The following CORIN variants were observed in gnomAD, a reference collection of about 807,000 sequenced individuals.
The protein encoded by CORIN is corin, serine peptidase.
CORIN carries 117 observed loss-of-function variants against 125.3 expected under a neutral mutation model. That is an observed-to-expected ratio of 0.93 (90% CI 0.80 to 1.09). CORIN has a LOEUF of 1.09. Ranked by LOEUF, CORIN falls within the 50% of genes least tolerant of loss-of-function variation. The pLI, the probability that CORIN is intolerant of heterozygous loss-of-function variation, is 0.00. For missense variants in CORIN, 1,253 were observed against 1,306.7 expected (o/e 0.96, Z 0.63); for synonymous variants, 450 against 466.4 (o/e 0.96, Z 0.45).
At chr4:47,824,486 C>T (rs950936296) in intron 1 of CORIN, among the ~76,000 whole-genome samples, 1 of 151,962 alleles carries the variant, frequency 6.6e-6, no homozygotes. Flanking sequence ...GCTTTTCTTT[C>T]TTTCTTTTTT....
intron 13 of CORIN, among the ~76,000 whole-genome samples, chr4:47,645,496 A>T (rs1723428083): frequency 6.6e-6 from 1 of 151,858 alleles, no homozygotes; most frequent in South Asian, 2.1e-4. Context: ...AAAAGTTTTG[A>T]CCTCTGCATA....
intron 3 of CORIN, among the ~76,000 whole-genome samples, chr4:47,777,481 A>G (rs1336389918): frequency 2.0e-5 from 3 of 152,132 alleles, no homozygotes; most frequent in Non-Finnish European, 4.4e-5. Context: ...AAATACAAAA[A>G]TTAGCTAAGC....
chr4:47,758,011 T>C (rs1029685364), intron 4 of CORIN, among the ~76,000 whole-genome samples: 3 of 151,486 alleles, frequency 2.0e-5, no homozygotes, highest in Non-Finnish European at 4.4e-5. Context: ...CCTCCCGGAT[T>C]CATGCCATCC....
chr4:47,784,686 G>T (rs1246790914), intron 3 of CORIN, among the ~76,000 whole-genome samples: 1 of 152,168 alleles, frequency 6.6e-6, no homozygotes, highest in African/African-American at 2.4e-5. Context: ...AATTACTTCT[G>T]TACTTCTATG....
At chr4:47,643,016 GC>G (rs1159530717) in intron 15 of CORIN, 129 bp downstream of exon 15, 1 of 1,544,660 alleles carries the variant, frequency 6.5e-7, no homozygotes. Flanking sequence ...AGCACTATCA[GC>G]TTTTATAACA....
intron 7 of CORIN, chr4:47,682,578 A>G (rs572101175): frequency 1.3e-5 from 2 of 152,192 alleles, no homozygotes; most frequent in Admixed American, 6.5e-5. Context: ...AATTTATTGC[A>G]TATTTTCAAA....
At chr4:47,740,201 T>C (rs1006577785) in intron 5 of CORIN, among the ~76,000 whole-genome samples, 3 of 151,972 alleles carry the variant, frequency 2.0e-5, no homozygotes, top group Non-Finnish European at 2.9e-5. Context: ...ACAAATAGGT[T>C]GTAAGCTCAA....
In CORIN at chr4:47,643,214, C is replaced by T. The variant is rs746266527; in HGVS notation, c.2000G>A (p.Cys667Tyr). ...DDELECANHA[C>Y]VSRDLWCDGE... ...ATCACACCACAGGTCACGTGACACA[C>T]ACGCATGGTTTGCACATTCCAGCTC... Residue 667 changes from cysteine to tyrosine, a missense_variant, in exon 15 of 22, where the codon TGT becomes TAT. Transcript: ENST00000273857. The T allele has an allele frequency of 2.5e-6, 4 of 1,613,708 alleles. No individual in the cohort carries two copies. The highest frequency in any genetic ancestry group is 2.5e-6 in the Non-Finnish European group (3 of 1,179,892).
At chr4:47,827,985 C>A (rs926043922) in intron 1 of CORIN, among the ~76,000 whole-genome samples, 4 of 152,198 alleles carry the variant, frequency 2.6e-5, no homozygotes, top group Non-Finnish European at 5.9e-5. Flanking sequence ...GTTTAAACTG[C>A]CTCCCAGCTT....
At chr4:47,651,882 C>G (rs61760478) in intron 13 of CORIN, among the ~76,000 whole-genome samples, 1 of 152,040 alleles carries the variant, frequency 6.6e-6, no homozygotes, top group Non-Finnish European at 1.5e-5. Flanking sequence ...GAACTCAGAA[C>G]TTTTAGTCTT....
intron 1 of CORIN, chr4:47,831,269 T>C (rs1033838060): frequency 3.9e-5 from 6 of 152,280 alleles, no homozygotes; most frequent in African/African-American, 1.4e-4. Context: ...TGCTGTAAGG[T>C]GAGCTGATCG....
Position 47,833,521 on chromosome 4 carries a change from CAA to C in CORIN, c.63+4364_63+4365del, listed in dbSNP as rs75657429. ...TTGGATACGACACCAAAAGCATAGG[CAA>C]AAAAAAAAAAAAAAAAGCAATAATA... On this transcript the variant is annotated intron_variant, in intron 1 of 21. Transcript: ENST00000273857. 4.0e-3 allele frequency among the ~76,000 whole-genome samples: 457 copies of C among 114,948 alleles called. 2 individuals are homozygous for C. Among genetic ancestry groups the C allele is most frequent in the Middle Eastern group, 8.5e-3 (2 of 234 alleles). The allele number at this position is 114,948 out of a possible 152,430, so 75.4% of individuals were successfully genotyped here. A position where few individuals can be genotyped will look rare whatever the true frequency, so the allele number is the denominator to read the frequency against.
chr4:47,652,935 A>G (rs1217870665), intron 13 of CORIN, among the ~76,000 whole-genome samples: 1 of 152,178 alleles, frequency 6.6e-6, no homozygotes, highest in East Asian at 1.9e-4. Flanking sequence ...TAATAAAAAT[A>G]ATTCTTTACA....
chr4:47,641,954 A>G lies in CORIN; in HGVS notation c.2164T>C (p.Leu722=), dbSNP rs1723249500. 16 of 1,613,570 alleles carry G rather than the reference A, an allele frequency of 9.9e-6. No homozygotes were observed. Among genetic ancestry groups the G allele is most frequent in the Non-Finnish European group, 1.4e-5 (16 of 1,179,638 alleles). The change falls in exon 16 of 22, where the codon TTG becomes CTG. Residue 722 remains leucine (L), a synonymous_variant. Transcript: ENST00000273857. Reference sequence around the variant, plus strand: ...ATCTGCTTGCAGGCCAGCTGACTCAATATCTCCTGCCAGCCATCTGCACAC... The same window carrying G: ...ATCTGCTTGCAGGCCAGCTGACTCAGTATCTCCTGCCAGCCATCTGCACAC... ...HVCADGWQEI[L]SQLACKQMGL... is the part of the protein sequence containing the mutation.
chr4:47,829,662 A>G (rs1732892320), intron 1 of CORIN, among the ~76,000 whole-genome samples: 1 of 152,174 alleles, frequency 6.6e-6, no homozygotes, highest in Admixed American at 6.5e-5. Flanking sequence ...ATTGAGTTGA[A>G]TTATTGGACA....
intron 1 of CORIN, among the ~76,000 whole-genome samples, chr4:47,836,064 A>G (rs1733384983): frequency 6.6e-6 from 1 of 152,138 alleles, no homozygotes; most frequent in Non-Finnish European, 1.5e-5. Flanking sequence ...TCCACACCCA[A>G]ATAACCCCAA....
At chr4:47,772,105 ATAGATAGATAGG>A (rs1459785322) in intron 3 of CORIN, among the ~76,000 whole-genome samples, 3 of 152,058 alleles carry the variant, frequency 2.0e-5, no homozygotes, top group African/African-American at 7.2e-5. Context: ...AGATAGATAG[ATAGATAGATAGG>A]TAGATAGATA....
rs533788267 is a variant in CORIN at position 47,726,456 on chromosome 4, T to C, written c.799+17946A>G. On this transcript the variant is annotated intron_variant, in intron 5 of 21. Coordinates refer to ENST00000273857, the MANE Select transcript of CORIN (RefSeq NM_006587.4). ...GAAAGAAACAGGTTTCAAAAGGGAA[T>C]ATACTGTATGATTCCATGTGTGACA... Among the ~76,000 whole-genome samples, 10 of 152,210 alleles carry C rather than the reference T, an allele frequency of 6.6e-5. No individual in the cohort carries two copies. In the East Asian group the frequency reaches 1.7e-3, roughly 26 times the overall value.
intron 16 of CORIN, among the ~76,000 whole-genome samples, chr4:47,630,370 T>C (rs1722761032): frequency 6.6e-6 from 1 of 152,226 alleles, no homozygotes; most frequent in Non-Finnish European, 1.5e-5. Flanking sequence ...TGCTCAAATT[T>C]TGTTTGATGA....
Sources: allele counts gnomAD v4.1 joint callset (sites outside exome capture counted in the v4.1 genomes callset), GRCh38; gene constraint gnomAD v4.1.1; transcripts MANE v1.5; gene names NCBI Gene and HGNC (gene_info 2026-07-23, HGNC 2026-07-21).